The following USH2A variants were observed in gnomAD, a reference collection of about 807,000 sequenced individuals.
USH2A encodes the protein usherin, also known as Usher syndrome 2A (autosomal recessive, mild).
USH2A carries 443 observed loss-of-function variants against 538.9 expected under a neutral mutation model. That is an observed-to-expected ratio of 0.82 (90% CI 0.76 to 0.89). USH2A has a LOEUF of 0.89. Ranked by LOEUF, USH2A falls within the 40% of genes least tolerant of loss-of-function variation. USH2A has a pLI of 0.00. For synonymous variants in USH2A, 2,413 were observed against 2,273.5 expected (o/e 1.06, Z -1.75); for missense variants, 6,633 against 6,324.8 (o/e 1.05, Z -1.65).
rs527805721 is a variant in USH2A, at chr1:216,303,426, A to T, written c.1645-11056T>A. 5.3e-5 allele frequency among the ~76,000 whole-genome samples: 8 copies of T among 152,100 alleles called. No homozygotes were observed. The South Asian group carries it at 1.7e-3, about 32-fold the overall frequency. On this transcript the variant is annotated intron_variant, in intron 9 of 71. Transcript: ENST00000307340. ...ATACATCATACAAATACGAATTCAC[A>T]TACTAAGAAGTATAAGGCGTTATTG...
intron 21 of USH2A, among the ~76,000 whole-genome samples, chr1:216,099,100 T>C (rs1337657176): frequency 1.3e-5 from 2 of 152,240 alleles, no homozygotes; most frequent in Admixed American, 6.5e-5. Flanking sequence ...ATACAAGCTT[T>C]AGACTTTCCA....
chr1:215,823,962 G>T (rs1008933334), intron 47 of USH2A, among the ~76,000 whole-genome samples: 2 of 152,106 alleles, frequency 1.3e-5, no homozygotes, highest in South Asian at 4.1e-4. Context: ...GTGATCATGA[G>T]TTTCCTTAAA....
chr1:216,214,977 G>T (rs751165051), intron 15 of USH2A, among the ~76,000 whole-genome samples: 1 of 151,972 alleles, frequency 6.6e-6, no homozygotes, highest in Middle Eastern at 3.4e-3. Context: ...TTCTTGTTTT[G>T]CTTCCTATCA....
chr1:216,066,584 G>A (rs1483677616), intron 30 of USH2A, among the ~76,000 whole-genome samples: 1 of 152,086 alleles, frequency 6.6e-6, no homozygotes, highest in Non-Finnish European at 1.5e-5. Context: ...TACAGTGCAT[G>A]CCACATGTCA....
chr1:215,785,622 C>T (rs1571685118), intron 52 of USH2A, among the ~76,000 whole-genome samples: 1 of 152,098 alleles, frequency 6.6e-6, no homozygotes, highest in South Asian at 2.1e-4. Context: ...CAAACCTGCA[C>T]GTTGTGCACA....
At chr1:216,289,241 C>G (rs2102606124) in intron 11 of USH2A, 39 bp downstream of exon 11, 1 of 1,613,314 alleles carries the variant, frequency 6.2e-7, no homozygotes, top group Non-Finnish European at 8.5e-7. Flanking sequence ...TTCTGGCAGA[C>G]AGAGTAATCC....
chr1:216,337,970 G>A (rs1200577155), intron 4 of USH2A, among the ~76,000 whole-genome samples: 2 of 150,952 alleles, frequency 1.3e-5, no homozygotes, highest in African/African-American at 4.8e-5. Flanking sequence ...TTTATTATAA[G>A]TTATGAGTAT....
chr1:215,771,678 A>G (rs949284739), intron 55 of USH2A, among the ~76,000 whole-genome samples: 4 of 146,760 alleles, frequency 2.7e-5, no homozygotes, highest in Non-Finnish European at 6.0e-5. Context: ...ATTATGAGTC[A>G]TGTAGTGAGA....
intron 32 of USH2A, among the ~76,000 whole-genome samples, chr1:216,032,957 C>T (rs373517226): frequency 3.0e-4 from 45 of 152,248 alleles, no homozygotes; most frequent in African/African-American, 1.1e-3. Flanking sequence ...ATTACGAACC[C>T]AATTAAATCC....
At chr1:215,790,996 G>C (rs1489009600) in intron 50 of USH2A, among the ~76,000 whole-genome samples, 1 of 152,126 alleles carries the variant, frequency 6.6e-6, no homozygotes, top group African/African-American at 2.4e-5. Context: ...ACCTTGTAGA[G>C]AGGATCACTG....
intron 38 of USH2A, among the ~76,000 whole-genome samples, chr1:215,914,251 CAGAAA>C (rs1378900891): frequency 1.3e-5 from 2 of 151,486 alleles, no homozygotes; most frequent in Non-Finnish European, 2.9e-5. Flanking sequence ...AAAAGCAAAA[CAGAAA>C]AGAAATGTCA....
intron 32 of USH2A, among the ~76,000 whole-genome samples, chr1:216,039,454 A>G (rs7552419): frequency 0.75 from 113,365 of 151,788 alleles, 43,085 homozygotes; most frequent in African/African-American, 0.84. Flanking sequence ...TGAGACCGTC[A>G]TCTTACCTGG....
intron 11 of USH2A, among the ~76,000 whole-genome samples, chr1:216,279,535 A>G (rs1016572240): frequency 4.6e-5 from 7 of 152,120 alleles, no homozygotes; most frequent in African/African-American, 1.7e-4. Context: ...GACAGGCGGC[A>G]ATTGTATCAT....
At chr1:215,998,516 C>T (rs984659027) in intron 34 of USH2A, among the ~76,000 whole-genome samples, 1 of 151,944 alleles carries the variant, frequency 6.6e-6, no homozygotes, top group Non-Finnish European at 1.5e-5. Context: ...TCATACTGTG[C>T]ATTGTTTTTT....
At position 216,247,207 on chromosome 1, in the gene USH2A, G is replaced by T. The variant is rs757154662; in HGVS notation, c.2187C>A (p.Cys729Ter). ...TTCGGAGAAATTTAAATCCAAAATT[G>T]CAATGATCACACCTAAGCCCTAAAG... ...ANVIGLRCDH[C>*]NFGFKFLRSF... Residue 729 changes from cysteine to a stop codon, truncating the protein, a stop_gained, in exon 13 of 72, where the codon TGC (cysteine) becomes TGA (stop). Transcript: ENST00000307340. LOFTEE classifies it high-confidence loss of function. 3.1e-6 allele frequency: 5 copies of T among 1,613,832 alleles called. No homozygotes were observed. The East Asian group carries it at 1.1e-4, about 36-fold the overall frequency.
At chr1:216,039,766 T>C (rs2030182230) in intron 32 of USH2A, among the ~76,000 whole-genome samples, 1 of 151,986 alleles carries the variant, frequency 6.6e-6, no homozygotes. Flanking sequence ...AAATGTGTTT[T>C]TATTGTGCCA....
intron 55 of USH2A, among the ~76,000 whole-genome samples, chr1:215,772,915 T>G (rs1571671663): frequency 6.6e-6 from 1 of 152,190 alleles, no homozygotes. Flanking sequence ...TTGGTGCTTA[T>G]AAAGTATTGT....
In USH2A at chr1:215,674,338, C is replaced by A. The variant is rs1657923265; in HGVS notation, c.13573G>T (p.Asp4525Tyr). 7.4e-6 allele frequency: 12 copies of A among 1,613,924 alleles called. No homozygotes were observed. The highest frequency in any genetic ancestry group is 1.0e-5 in the Non-Finnish European group (12 of 1,179,884). Residue 4525 changes from aspartate (D) to tyrosine (Y), a missense_variant, in exon 63 of 72, where the codon GAT (aspartate) becomes TAT (tyrosine). By Grantham distance (160) the Asp-to-Tyr change is radical. Coordinates refer to ENST00000307340, the MANE Select transcript of USH2A (RefSeq NM_206933.4). ...QGGILSPLVK[D>Y]RTSPSAPSGM... ...GAGGGTGCTGAGGGGCTGGTTCGAT[C>A]TTTGACAAGAGGACTCAAAATACCC... is the stretch of plus-strand genomic sequence containing the variant.
chr1:215,655,626 A>C (rs541815259), intron 64 of USH2A, among the ~76,000 whole-genome samples: 1 of 152,178 alleles, frequency 6.6e-6, no homozygotes, highest in Admixed American at 6.5e-5. Flanking sequence ...GGGAAAGAGA[A>C]GGGACCATCA....
Sources: gnomAD v4.1 joint callset for allele counts (sites outside exome capture counted in the v4.1 genomes callset) on GRCh38, gnomAD v4.1.1 for gene constraint, MANE v1.5 for transcripts, NCBI Gene and HGNC (gene_info 2026-07-23, HGNC 2026-07-21) for gene names.